OR52N4: variants seen among roughly 807,000 people sequenced by gnomAD.
The protein encoded by OR52N4 is olfactory receptor family 52 subfamily N member 4, also known as olfactory receptor 52N4.
In OR52N4, 15 loss-of-function variants were observed where a neutral mutation model predicts 15.0. The ratio of observed to expected loss-of-function variants is 1.00; its 90% confidence interval spans 0.67 to 1.54. The LOEUF (loss-of-function observed/expected upper bound fraction) is 1.54, where lower values mean the gene tolerates loss of function less well. Ranked by LOEUF, OR52N4 falls within the 40% of genes most tolerant of loss-of-function variation. The pLI, the probability that OR52N4 is intolerant of heterozygous loss-of-function variation, is 0.00. For synonymous variants in OR52N4, 143 were observed against 143.7 expected (o/e 1.00, Z 0.03); for missense variants, 421 against 394.0 (o/e 1.07, Z -0.58).
At chr11:5,737,575 T>C in the OR52N4 span, 1 of 1,269,742 alleles carries the variant, frequency 7.9e-7, no homozygotes, top group South Asian at 1.6e-5. Flanking sequence ...AGTAAGTGAA[T>C]ACCTTTGGGA....
the OR52N4 span, among the ~76,000 whole-genome samples, chr11:5,735,239 A>G: frequency 1.3e-5 from 2 of 152,118 alleles, no homozygotes; most frequent in Non-Finnish European, 2.9e-5. Context: ...TAATTTTAGC[A>G]TAGAGTAAGT....
chr11:5,742,719 A>C, the OR52N4 span, among the ~76,000 whole-genome samples: 837 of 152,314 alleles, frequency 5.5e-3, 7 homozygotes, highest in Non-Finnish European at 8.9e-3. Context: ...TACTGGCCCT[A>C]CAAGAAGTTC....
At chr11:5,745,545 T>C in the OR52N4 span, among the ~76,000 whole-genome samples, 1 of 152,134 alleles carries the variant, frequency 6.6e-6, no homozygotes, top group Non-Finnish European at 1.5e-5. Flanking sequence ...AAAGTAATTT[T>C]AGATGACGCA....
rs1564958678 is a variant in OR52N4, at chr11:5,755,017, G to A, written c.277G>A (p.Asp93Asn). The A allele has an allele frequency of 6.2e-7, 1 of 1,613,898 alleles. No homozygotes were observed. The highest frequency in any genetic ancestry group is 2.2e-5 in the East Asian group (1 of 44,842). The change falls in exon 2 of 2, where the codon GAC becomes AAC. Residue 93 changes from aspartate (D) to asparagine (N), a missense_variant. By Grantham distance (23) the Asp-to-Asn change is conservative. Transcript: ENST00000641350. ...ALCIFWFHLK[D>N]IGFDECLVQM... ...CTGCATCTTCTGGTTTCATCTCAAG[G>A]ACATTGGATTTGATGAATGCCTTGT...
chr11:5,755,506 C>T lies in OR52N4; in HGVS notation c.766C>T (p.Pro256Ser). Residue 256 changes from proline (P) to serine (S), a missense_variant, in exon 2 of 2, where the codon CCA (proline) becomes TCA (serine). Pro to Ser is a moderately conservative substitution (Grantham distance 74, BLOSUM62 -1). Coordinates refer to ENST00000641350, the MANE Select transcript of OR52N4 (RefSeq NM_001005175.5). ...TTGTGCCATTGTTTTCTCCTATACT[C>T]CAGCTTTCTTCTCCTTCTTTTCCCA... ...HICAIVFSYT[P>S]AFFSFFSHRF... The T allele has an allele frequency of 6.2e-7, 1 of 1,613,928 alleles. No homozygotes were observed. The highest frequency in any genetic ancestry group is 8.5e-7 in the Non-Finnish European group (1 of 1,179,834).
the OR52N4 span, chr11:5,736,325 T>A: frequency 1.7e-6 from 1 of 586,608 alleles, no homozygotes; most frequent in East Asian, 2.8e-5. Context: ...TATTATTAGT[T>A]AATAAACCTC....
upstream of OR52N4, among the ~76,000 whole-genome samples, chr11:5,751,702 T>C (rs993285272): frequency 6.6e-6 from 1 of 152,162 alleles, no homozygotes; most frequent in Non-Finnish European, 1.5e-5. Context: ...ATATGAGAGA[T>C]TTGATTTGCT....
At chr11:5,736,712 C>T in the OR52N4 span, 4 of 1,614,022 alleles carry the variant, frequency 2.5e-6, no homozygotes, top group Non-Finnish European at 3.4e-6. Flanking sequence ...TTCTTTACAG[C>T]AGCCCATGTA....
At position 5,755,668 on chromosome 11, in the gene OR52N4, C is replaced by T. The variant is rs1469948020; in HGVS notation, c.928C>T (p.Leu310Phe). The change falls in exon 2 of 2, where the codon CTT (leucine) becomes TTT (phenylalanine). Residue 310 changes from leucine (L) to phenylalanine (F), a missense_variant. Transcript: ENST00000641350. ...KQIRDCVIRI[L>F]SGSKDTKSYS... ...GATACGAGACTGTGTCATAAGGATC[C>T]TTTCAGGTTCTAAGGATACCAAATC... The T allele has an allele frequency of 1.9e-6, 3 of 1,613,630 alleles. No individual in the cohort carries two copies. Among genetic ancestry groups the T allele is most frequent in the African/African-American group, 1.3e-5 (1 of 75,034 alleles).
At chr11:5,744,938 CA>C in the OR52N4 span, among the ~76,000 whole-genome samples, 1 of 151,958 alleles carries the variant, frequency 6.6e-6, no homozygotes, top group South Asian at 2.1e-4. Context: ...AACAAACAAA[CA>C]AAAAACATAT....
At position 5,755,490 on chromosome 11, in the gene OR52N4, T is replaced by G; in HGVS notation, c.750T>G (p.Ile250Met). ...FNTCTAHICA[I>M]VFSYTPAFFS... is the part of the protein sequence containing the mutation. ...CCTGCACTGCCCACATTTGTGCCAT[T>G]GTTTTCTCCTATACTCCAGCTTTCT... Residue 250 changes from isoleucine to methionine, a missense_variant, in exon 2 of 2, where the codon ATT becomes ATG. Physicochemically the swap from Ile to Met is conservative, Grantham distance 10. Coordinates refer to ENST00000641350, the MANE Select transcript of OR52N4 (RefSeq NM_001005175.5). 6.2e-7 allele frequency: 1 copy of G among 1,613,944 alleles called. No individual in the cohort carries two copies.
At chr11:5,739,155 T>A in the OR52N4 span, among the ~76,000 whole-genome samples, 1 of 127,114 alleles carries the variant, frequency 7.9e-6, no homozygotes, top group African/African-American at 2.8e-5. Context: ...GACTACTTTT[T>A]TTTTTTTACT....
At chr11:5,729,808 A>G in the OR52N4 span, among the ~76,000 whole-genome samples, 1 of 152,240 alleles carries the variant, frequency 6.6e-6, no homozygotes, top group Non-Finnish European at 1.5e-5. Context: ...ACAAGGAATA[A>G]ACTGTCTCCA....
chr11:5,735,335 T>C, the OR52N4 span, among the ~76,000 whole-genome samples: 41 of 152,172 alleles, frequency 2.7e-4, no homozygotes, highest in African/African-American at 9.6e-4. Flanking sequence ...CTGAGAGTGT[T>C]TTATGCAAAA....
upstream of OR52N4, among the ~76,000 whole-genome samples, chr11:5,751,247 T>C (rs1361286407): frequency 2.0e-5 from 3 of 152,048 alleles, no homozygotes; most frequent in African/African-American, 4.8e-5. Context: ...TCTGATGAAA[T>C]CTTATACTGC....
chr11:5,729,856 A>G, the OR52N4 span, among the ~76,000 whole-genome samples: 1 of 152,204 alleles, frequency 6.6e-6, no homozygotes, highest in Non-Finnish European at 1.5e-5. Context: ...GTGTATAGCC[A>G]TTATTTCCTC....
the OR52N4 span, among the ~76,000 whole-genome samples, chr11:5,734,951 G>A: frequency 1.3e-5 from 2 of 152,006 alleles, no homozygotes; most frequent in African/African-American, 4.8e-5. Flanking sequence ...CATCATTTGG[G>A]AGTATATGTT....
the OR52N4 span, among the ~76,000 whole-genome samples, chr11:5,739,116 A>G: frequency 1.0e-4 from 12 of 114,324 alleles, 2 homozygotes; most frequent in African/African-American, 3.8e-4. Context: ...TAATGAAGAG[A>G]AAAGACTCCA....
chr11:5,747,479 GTTAA>G, the OR52N4 span, among the ~76,000 whole-genome samples: 1 of 151,766 alleles, frequency 6.6e-6, no homozygotes, highest in East Asian at 1.9e-4. Context: ...TAACATATAT[GTTAA>G]TTAGTTTGAT....
Sources: gnomAD v4.1 joint callset for allele counts (sites outside exome capture counted in the v4.1 genomes callset) on GRCh38, gnomAD v4.1.1 for gene constraint, MANE v1.5 for transcripts, NCBI Gene and HGNC (gene_info 2026-07-23, HGNC 2026-07-21) for gene names.